PIK3C2G: variants seen among roughly 807,000 people sequenced by gnomAD.
PIK3C2G encodes the protein phosphatidylinositol-4-phosphate 3-kinase catalytic subunit type 2 gamma.
In PIK3C2G, 168 loss-of-function variants were observed where a neutral mutation model predicts 181.1. That is an observed-to-expected ratio of 0.93 (90% CI 0.82 to 1.05). PIK3C2G has a LOEUF of 1.05. Ranked by LOEUF, PIK3C2G falls within the 50% of genes least tolerant of loss-of-function variation. The probability of loss-of-function intolerance (pLI) is 0.00; values close to 1 mark genes in which losing one functional copy is unlikely to be tolerated. For synonymous variants in PIK3C2G, 573 were observed against 592.2 expected (o/e 0.97, Z 0.47); for missense variants, 1,869 against 1,732.8 (o/e 1.08, Z -1.40).
At chr12:18,663,599 A>T in the PIK3C2G span, among the ~76,000 whole-genome samples, 2 of 152,118 alleles carry the variant, frequency 1.3e-5, no homozygotes, top group African/African-American at 4.8e-5. Flanking sequence ...TTAACTTAAA[A>T]TATATCCAGT....
intron 5 of PIK3C2G, among the ~76,000 whole-genome samples, chr12:18,313,131 A>G (rs1234485382): frequency 6.6e-6 from 1 of 152,192 alleles, no homozygotes. Context: ...CAGAGATACC[A>G]AAATTTAAAG....
chr12:18,420,461 A>G (rs1945421129), intron 16 of PIK3C2G, among the ~76,000 whole-genome samples: 1 of 152,166 alleles, frequency 6.6e-6, no homozygotes, highest in Non-Finnish European at 1.5e-5. Context: ...ATTTAGCTGT[A>G]TTAAATTATT....
intron 18 of PIK3C2G, 67 bp downstream of exon 18, chr12:18,424,106 A>G: frequency 1.1e-6 from 1 of 897,974 alleles, no homozygotes; most frequent in Non-Finnish European, 1.8e-6. Flanking sequence ...GCAGCTTTAG[A>G]GGAAGCAGAA....
chr12:18,541,158 G>A (rs984999663), intron 25 of PIK3C2G, among the ~76,000 whole-genome samples: 4 of 151,916 alleles, frequency 2.6e-5, no homozygotes, highest in African/African-American at 9.7e-5. Flanking sequence ...TACTTGACAT[G>A]GGTCATAAAT....
At chr12:18,291,385 A>G (rs117111061) in intron 4 of PIK3C2G, among the ~76,000 whole-genome samples, 99 of 152,292 alleles carry the variant, frequency 6.5e-4, no homozygotes, top group Admixed American at 1.6e-3. Flanking sequence ...TTGAAATATA[A>G]ATAAATTGTG....
chr12:18,364,100 C>T (rs1317252294), intron 12 of PIK3C2G, among the ~76,000 whole-genome samples: 1 of 152,180 alleles, frequency 6.6e-6, no homozygotes, highest in Non-Finnish European at 1.5e-5. Flanking sequence ...TGGCCCCTAC[C>T]TATCTCTGCA....
the PIK3C2G span, among the ~76,000 whole-genome samples, chr12:18,666,433 T>C: frequency 2.6e-5 from 4 of 152,200 alleles, no homozygotes; most frequent in South Asian, 2.1e-4. Context: ...GGGGTGGCTA[T>C]ACTAATTTTT....
intron 22 of PIK3C2G, among the ~76,000 whole-genome samples, chr12:18,502,857 T>C (rs1340154683): frequency 2.0e-5 from 3 of 152,208 alleles, no homozygotes; most frequent in Admixed American, 6.5e-5. Context: ...TTGATTTTTA[T>C]AATATATGTG....
chr12:18,248,230 A>C (rs1185585688), intron 1 of PIK3C2G: 1 of 152,132 alleles, frequency 6.6e-6, no homozygotes, highest in Non-Finnish European at 1.5e-5. Flanking sequence ...TCCTTAAACC[A>C]ATTTGCAACT....
intron 29 of PIK3C2G, among the ~76,000 whole-genome samples, chr12:18,588,348 T>C (rs888758588): frequency 6.6e-6 from 1 of 152,008 alleles, no homozygotes; most frequent in African/African-American, 2.4e-5. Context: ...TTGCAAACTA[T>C]GCATCTGACA....
the PIK3C2G span, among the ~76,000 whole-genome samples, chr12:18,662,821 T>C: frequency 1.3e-5 from 2 of 151,934 alleles, no homozygotes; most frequent in Non-Finnish European, 2.9e-5. Flanking sequence ...GTAATCCCCA[T>C]GGTAACCAAA....
chr12:18,285,781 C>T (rs1456706224), intron 2 of PIK3C2G, among the ~76,000 whole-genome samples: 1 of 151,476 alleles, frequency 6.6e-6, no homozygotes, highest in Non-Finnish European at 1.5e-5. Flanking sequence ...AACAGAAGAA[C>T]AGAATAAAAT....
At chr12:18,471,198 G>A (rs903239204) in intron 18 of PIK3C2G, among the ~76,000 whole-genome samples, 5 of 152,092 alleles carry the variant, frequency 3.3e-5, no homozygotes, top group Non-Finnish European at 2.9e-5. Flanking sequence ...GAAGGAAAGC[G>A]ATGCTCCAGA....
chr12:18,339,359 G>T (rs563120161), intron 9 of PIK3C2G, among the ~76,000 whole-genome samples: 5 of 152,020 alleles, frequency 3.3e-5, no homozygotes, highest in African/African-American at 7.2e-5. Context: ...CTCAATAGAT[G>T]CTCACAGCAA....
intron 29 of PIK3C2G, among the ~76,000 whole-genome samples, chr12:18,582,821 G>T (rs1050406169): frequency 1.3e-5 from 2 of 151,826 alleles, no homozygotes; most frequent in Non-Finnish European, 2.9e-5. Context: ...TCTTTTTTAT[G>T]TGGGACCCTG....
At chr12:18,291,101 A>C in intron 4 of PIK3C2G, 89 bp downstream of exon 4, 1 of 708,872 alleles carries the variant, frequency 1.4e-6, no homozygotes, top group Non-Finnish European at 2.3e-6. Context: ...GTTATTAAAA[A>C]ATAATATTAG....
chr12:18,664,422 G>T, the PIK3C2G span, among the ~76,000 whole-genome samples: 1 of 152,160 alleles, frequency 6.6e-6, no homozygotes, highest in Non-Finnish European at 1.5e-5. Flanking sequence ...ACATACTGTG[G>T]AATATTGTTC....
intron 11 of PIK3C2G, among the ~76,000 whole-genome samples, chr12:18,357,087 A>G (rs921562958): frequency 6.6e-6 from 1 of 152,320 alleles, no homozygotes; most frequent in Middle Eastern, 3.4e-3. Flanking sequence ...CATATAAAAG[A>G]TCAAGAGATG....
intron 18 of PIK3C2G, among the ~76,000 whole-genome samples, chr12:18,428,037 C>T (rs1447619301): frequency 3.9e-5 from 6 of 151,916 alleles, no homozygotes; most frequent in Non-Finnish European, 8.8e-5. Flanking sequence ...AGGTATTAAG[C>T]CTATGACCTA....
Sources: allele counts gnomAD v4.1 joint callset (sites outside exome capture counted in the v4.1 genomes callset), GRCh38; gene constraint gnomAD v4.1.1; transcripts MANE v1.5; gene names NCBI Gene and HGNC (gene_info 2026-07-23, HGNC 2026-07-21).